Variants in DLC1 observed in about 807,000 individuals in gnomAD.
DLC1 encodes rho GTPase-activating protein 7.
Under a neutral mutation model 140.3 loss-of-function variants are expected in DLC1, and 54 were observed. That is an observed-to-expected ratio of 0.38 (90% confidence interval 0.31 to 0.48). The LOEUF is 0.48. Ranked by LOEUF, DLC1 falls within the 20% of genes least tolerant of loss-of-function variation. The pLI is 0.96. For missense variants in DLC1, 2,536 were observed against 1,907.0 expected (o/e 1.33, Z -6.14); for synonymous variants, 986 against 728.1 (o/e 1.35, Z -5.70).
At chr8:13,453,121 A>G (rs1799144865) in intron 2 of DLC1, among the ~76,000 whole-genome samples, 1 of 151,724 alleles carries the variant, frequency 6.6e-6, no homozygotes, top group African/African-American at 2.4e-5. Context: ...GAGCATCTTC[A>G]GCATTTTCAT....
chr8:13,555,778 A>C (rs1804025529), intron 1 of DLC1, among the ~76,000 whole-genome samples: 1 of 152,010 alleles, frequency 6.6e-6, no homozygotes. Flanking sequence ...CTAGGATTAC[A>C]GGCATGAGAC....
At chr8:13,379,459 C>G (rs1049485304) in intron 4 of DLC1, among the ~76,000 whole-genome samples, 3 of 152,034 alleles carry the variant, frequency 2.0e-5, no homozygotes, top group African/African-American at 7.3e-5. Flanking sequence ...CTTACATTAA[C>G]CTACAGTTGG....
chr8:13,543,737 A>G (rs1170217289), intron 1 of DLC1, among the ~76,000 whole-genome samples: 2 of 152,204 alleles, frequency 1.3e-5, no homozygotes, highest in Non-Finnish European at 2.9e-5. Context: ...GAAGTAATTC[A>G]GGAATGGAAA....
intron 2 of DLC1, among the ~76,000 whole-genome samples, chr8:13,497,690 T>TGG (rs2117193084): frequency 1.3e-5 from 2 of 152,344 alleles, no homozygotes; most frequent in South Asian, 4.1e-4. Context: ...CATAGGTCAG[T>TGG]TAATACTGTC....
chr8:13,523,342 C>A (rs1229740541), intron 1 of DLC1, among the ~76,000 whole-genome samples: 1 of 151,960 alleles, frequency 6.6e-6, no homozygotes, highest in African/African-American at 2.4e-5. Flanking sequence ...GCTTTATGAG[C>A]AACTGAAAGA....
At chr8:13,217,907 T>G (rs1433061262) in intron 5 of DLC1, among the ~76,000 whole-genome samples, 1 of 152,116 alleles carries the variant, frequency 6.6e-6, no homozygotes, top group Non-Finnish European at 1.5e-5. Flanking sequence ...ACTCTGATTT[T>G]CTTGGGTCAA....
intron 2 of DLC1, among the ~76,000 whole-genome samples, chr8:13,494,972 C>T (rs974531437): frequency 6.6e-6 from 1 of 152,018 alleles, no homozygotes; most frequent in African/African-American, 2.4e-5. Context: ...CAAACACACA[C>T]AAACCTGAGG....
At chr8:13,544,886 C>G (rs560617723) in intron 1 of DLC1, among the ~76,000 whole-genome samples, 4 of 152,088 alleles carry the variant, frequency 2.6e-5, no homozygotes, top group Admixed American at 6.6e-5. Context: ...AGAATTTGAT[C>G]TATCCGTGAA....
intron 17 of DLC1, 40 bp from the exon 18 acceptor site, chr8:13,085,971 G>A (rs776787311): frequency 6.2e-7 from 1 of 1,604,314 alleles, no homozygotes; most frequent in Admixed American, 1.7e-5. Context: ...AATTATTTAA[G>A]TTAGAAAGCA....
intron 5 of DLC1, among the ~76,000 whole-genome samples, chr8:13,262,664 G>A (rs1830511809): frequency 6.6e-6 from 1 of 152,166 alleles, no homozygotes; most frequent in South Asian, 2.1e-4. Context: ...GGGCTCAAGT[G>A]ATCTTCCTGC....
At chr8:13,399,027 C>G (rs1241779636) in intron 3 of DLC1, among the ~76,000 whole-genome samples, 2 of 152,006 alleles carry the variant, frequency 1.3e-5, no homozygotes, top group Non-Finnish European at 2.9e-5. Context: ...CCAGGGAGAC[C>G]AAAAGATACT....
chr8:13,332,602 T>G (rs949255944), intron 4 of DLC1, among the ~76,000 whole-genome samples: 1 of 102,914 alleles, frequency 9.7e-6, no homozygotes, highest in Non-Finnish European at 2.0e-5. Context: ...CGCTAATTTT[T>G]GTATGTTTAG....
chr8:13,227,795 T>C (rs562454707), intron 5 of DLC1, among the ~76,000 whole-genome samples: 1 of 152,212 alleles, frequency 6.6e-6, no homozygotes, highest in Admixed American at 6.5e-5. Context: ...GTTTTACTTT[T>C]CATCTCACAT....
At chr8:13,585,955 G>T (rs1309193814) in intron 1 of DLC1, among the ~76,000 whole-genome samples, 1 of 152,160 alleles carries the variant, frequency 6.6e-6, no homozygotes, top group Non-Finnish European at 1.5e-5. Flanking sequence ...ATAAAGCAGA[G>T]AAATATAATG....
intron 2 of DLC1, among the ~76,000 whole-genome samples, chr8:13,477,282 G>T (rs571278757): frequency 2.0e-5 from 3 of 152,258 alleles, no homozygotes; most frequent in African/African-American, 4.8e-5. Flanking sequence ...AGACAGCGTG[G>T]AAGATGTAGC....
intron 5 of DLC1, among the ~76,000 whole-genome samples, chr8:13,258,192 C>T (rs948924154): frequency 1.3e-5 from 2 of 152,146 alleles, no homozygotes; most frequent in East Asian, 1.9e-4. Flanking sequence ...GCGTCACACT[C>T]GGAACTCTTC....
At chr8:13,581,051 A>G (rs942061498) in intron 1 of DLC1, among the ~76,000 whole-genome samples, 1 of 152,208 alleles carries the variant, frequency 6.6e-6, no homozygotes, top group African/African-American at 2.4e-5. Flanking sequence ...TAAAGTTGTC[A>G]GTAGTCAAAC....
At chr8:13,295,274 G>A (rs959560037) in intron 5 of DLC1, among the ~76,000 whole-genome samples, 3 of 152,206 alleles carry the variant, frequency 2.0e-5, no homozygotes, top group East Asian at 1.9e-4. Flanking sequence ...TCACAGAAAC[G>A]TGGTTGGGAA....
intron 4 of DLC1, among the ~76,000 whole-genome samples, chr8:13,364,030 TG>T (rs1835366927): frequency 1.3e-5 from 2 of 152,164 alleles, no homozygotes; most frequent in African/African-American, 2.4e-5. Flanking sequence ...GGTAGGGGTG[TG>T]TGTGTATGTG....
Sources: allele counts gnomAD v4.1 joint callset (sites outside exome capture counted in the v4.1 genomes callset), GRCh38; gene constraint gnomAD v4.1.1; transcripts MANE v1.5; gene names NCBI Gene and HGNC (gene_info 2026-07-23, HGNC 2026-07-21).